Variants in SLC25A48 observed in about 807,000 individuals in gnomAD.
SLC25A48 encodes CTC-321K16.1.
SLC25A48 carries 29 observed loss-of-function variants against 32.2 expected under a neutral mutation model. The observed-to-expected ratio is 0.90, with a 90% CI of 0.67 to 1.23. SLC25A48 has a LOEUF of 1.23. Ranked by LOEUF, SLC25A48 falls within the 50% of genes most tolerant of loss-of-function variation. The pLI, the probability that SLC25A48 is intolerant of heterozygous loss-of-function variation, is 0.00. For synonymous variants in SLC25A48, 164 were observed against 172.3 expected (o/e 0.95, Z 0.38); for missense variants, 399 against 422.7 (o/e 0.94, Z 0.49).
At chr5:135,777,281 A>G (rs1289231458) in intron 3 of SLC25A48, among the ~76,000 whole-genome samples, 2 of 151,876 alleles carry the variant, frequency 1.3e-5, no homozygotes, top group African/African-American at 4.8e-5. Flanking sequence ...AGTAGATGAT[A>G]TTAACTTCCA....
At chr5:135,620,778 C>T (rs1235760081) in intron 1 of SLC25A48, among the ~76,000 whole-genome samples, 1 of 152,040 alleles carries the variant, frequency 6.6e-6, no homozygotes, top group Non-Finnish European at 1.5e-5. Flanking sequence ...GTGTGAGCTC[C>T]CTCTCTAGAG....
At position 135,762,420 on chromosome 5, in the gene SLC25A48, C is replaced by T. The variant is rs533279797; in HGVS notation, c.-520-50103C>T. On this transcript the variant is annotated intron_variant, in intron 3 of 10. Coordinates refer to the SLC25A48 transcript ENST00000646290. Reference sequence around the variant, plus strand: ...GCAAGAGGGAGATTTTCCAGGTGTGCTCTTGTGTACATTTTGTATTTTGAA... The same window carrying T: ...GCAAGAGGGAGATTTTCCAGGTGTGTTCTTGTGTACATTTTGTATTTTGAA... Among the ~76,000 whole-genome samples, 7 of 152,282 alleles carry T rather than the reference C, an allele frequency of 4.6e-5. No individual in the cohort carries two copies. The South Asian group carries it at 1.5e-3, about 32-fold the overall frequency.
chr5:135,867,212 A>G (rs1221846420), intron 4 of SLC25A48, among the ~76,000 whole-genome samples: 2 of 152,196 alleles, frequency 1.3e-5, no homozygotes, highest in South Asian at 4.1e-4. Context: ...TCGCATATGC[A>G]TGTACACCCT....
At chr5:135,691,114 G>A (rs1053719523) in intron 3 of SLC25A48, among the ~76,000 whole-genome samples, 47 of 152,158 alleles carry the variant, frequency 3.1e-4, no homozygotes, top group Admixed American at 3.0e-3. Context: ...TCCGTTTCCC[G>A]TCACACATTC....
At chr5:135,762,705 G>A (rs1015231703) in intron 3 of SLC25A48, among the ~76,000 whole-genome samples, 2 of 152,054 alleles carry the variant, frequency 1.3e-5, no homozygotes, top group African/African-American at 2.4e-5. Flanking sequence ...GTGAGAATGA[G>A]TGTGTGCGTG....
At chr5:135,695,066 A>C (rs1000985104) in intron 3 of SLC25A48, among the ~76,000 whole-genome samples, 6 of 152,102 alleles carry the variant, frequency 3.9e-5, no homozygotes, top group African/African-American at 1.4e-4. Flanking sequence ...TCCTCAAAGC[A>C]CCAACCTTGT....
chr5:135,734,672 C>T (rs1755309652), intron 3 of SLC25A48, among the ~76,000 whole-genome samples: 1 of 151,882 alleles, frequency 6.6e-6, no homozygotes, highest in Non-Finnish European at 1.5e-5. Flanking sequence ...AAAAAATTAG[C>T]CGGGCGCAGA....
chr5:135,789,655 T>G (rs12655593), intron 3 of SLC25A48, among the ~76,000 whole-genome samples: 2 of 150,746 alleles, frequency 1.3e-5, no homozygotes, highest in Non-Finnish European at 3.0e-5. Flanking sequence ...TGCGATATGG[T>G]TTGTAATATA....
At chr5:135,712,555 C>T (rs942419216) in intron 3 of SLC25A48, among the ~76,000 whole-genome samples, 18 of 152,228 alleles carry the variant, frequency 1.2e-4, no homozygotes, top group African/African-American at 4.1e-4. Flanking sequence ...TGACTGTGTT[C>T]ACTGCCTTAG....
intron 4 of SLC25A48, among the ~76,000 whole-genome samples, chr5:135,862,001 T>C (rs1018147037): frequency 6.6e-6 from 1 of 152,274 alleles, no homozygotes; most frequent in African/African-American, 2.4e-5. Context: ...TTCAGTTGTA[T>C]GTGCCTGTGA....
At chr5:135,686,111 C>T (rs1182836089) in intron 3 of SLC25A48, among the ~76,000 whole-genome samples, 2 of 152,118 alleles carry the variant, frequency 1.3e-5, no homozygotes, top group Non-Finnish European at 2.9e-5. Context: ...GTTGGGCAGC[C>T]CTGGGTTCAA....
chr5:135,614,315 GT>G (rs1334438676), intron 1 of SLC25A48, among the ~76,000 whole-genome samples: 2 of 152,156 alleles, frequency 1.3e-5, no homozygotes, highest in African/African-American at 2.4e-5. Flanking sequence ...AGACTTAAGA[GT>G]TTTTGGTGAG....
intron 1 of SLC25A48, among the ~76,000 whole-genome samples, chr5:135,608,158 C>T (rs1469946273): frequency 2.0e-5 from 3 of 152,170 alleles, no homozygotes; most frequent in Non-Finnish European, 4.4e-5. Context: ...GTGACATACA[C>T]CTGGTTTGCC....
chr5:135,797,538 ATTAC>A (rs1757216822), intron 3 of SLC25A48, among the ~76,000 whole-genome samples: 1 of 152,012 alleles, frequency 6.6e-6, no homozygotes, highest in East Asian at 1.9e-4. Flanking sequence ...AAAGAATAAT[ATTAC>A]TTTCAATATT....
chr5:135,856,511 AGCATGGTGCTGCTGCTCCTT>A (rs1303933815), intron 4 of SLC25A48, among the ~76,000 whole-genome samples: 1 of 152,124 alleles, frequency 6.6e-6, no homozygotes, highest in East Asian at 1.9e-4. Context: ...ACATGCTCTA[AGCATGGTGCTGCTGCTCCTT>A]GCTGGGGTGC....
At chr5:135,671,545 T>C (rs1753654018) in intron 3 of SLC25A48, 1 of 152,234 alleles carries the variant, frequency 6.6e-6, no homozygotes, top group Admixed American at 6.5e-5. Context: ...AGCTGGCTGA[T>C]GTTGAGGGCA....
At chr5:135,754,711 G>A (rs997358189) in intron 3 of SLC25A48, among the ~76,000 whole-genome samples, 1 of 151,766 alleles carries the variant, frequency 6.6e-6, no homozygotes, top group African/African-American at 2.4e-5. Flanking sequence ...AATATTCATT[G>A]TTTACACACT....
intron 1 of SLC25A48, among the ~76,000 whole-genome samples, chr5:135,621,399 G>A (rs980793655): frequency 3.9e-5 from 6 of 152,146 alleles, no homozygotes; most frequent in African/African-American, 1.4e-4. Context: ...ATTTTTGGGA[G>A]AAATGTTACA....
At chr5:135,642,183 C>A (rs1018530872) in intron 3 of SLC25A48, among the ~76,000 whole-genome samples, 3 of 152,230 alleles carry the variant, frequency 2.0e-5, no homozygotes, top group Admixed American at 2.0e-4. Context: ...TGGTGGCTGT[C>A]ATAGTGGTGT....
Sources: allele counts gnomAD v4.1 joint callset (sites outside exome capture counted in the v4.1 genomes callset), GRCh38; gene constraint gnomAD v4.1.1; transcripts MANE v1.5; gene names NCBI Gene and HGNC (gene_info 2026-07-23, HGNC 2026-07-21).